The following EPM2A variants were observed in gnomAD, a reference collection of about 807,000 sequenced individuals.
EPM2A encodes EPM2A glucan phosphatase, laforin.
Under a neutral mutation model 26.5 loss-of-function variants are expected in EPM2A, and 21 were observed. The observed-to-expected ratio is 0.79, with a 90% CI of 0.56 to 1.14. The LOEUF is 1.14. Among genes scored for constraint, EPM2A ranks in the 50% most tolerant of loss-of-function variants. The pLI, the probability that EPM2A is intolerant of heterozygous loss-of-function variation, is 0.00. For missense variants in EPM2A, 458 were observed against 440.8 expected (o/e 1.04, Z -0.35); for synonymous variants, 217 against 177.6 (o/e 1.22, Z -1.76).
chr6:145,509,796 A>T (rs932653768), intron 2 of EPM2A, among the ~76,000 whole-genome samples: 3 of 152,198 alleles, frequency 2.0e-5, no homozygotes, highest in African/African-American at 7.2e-5. Flanking sequence ...GGCAAATTGG[A>T]TTTAAGAAAA....
intron 4 of EPM2A, among the ~76,000 whole-genome samples, chr6:145,481,764 A>G (rs1779613650): frequency 6.6e-6 from 1 of 152,186 alleles, no homozygotes; most frequent in Admixed American, 6.5e-5. Context: ...TAGAAATGAT[A>G]ACTAATACAT....
chr6:145,438,891 C>A (rs1779024543), intron 4 of EPM2A, among the ~76,000 whole-genome samples: 2 of 151,374 alleles, frequency 1.3e-5, no homozygotes, highest in South Asian at 4.2e-4. Flanking sequence ...TTTTATCAAG[C>A]AGGTACTCAG....
At chr6:145,621,404 G>T (rs2128553902), downstream of EPM2A, among the ~76,000 whole-genome samples, 1 of 152,290 alleles carries the variant, frequency 6.6e-6, no homozygotes, top group South Asian at 2.1e-4. Flanking sequence ...GAACATGGAA[G>T]TGCAGAAATT....
Position 145,625,877 on chromosome 6 carries a change from A to G in EPM2A, c.*1539T>C. 1 of 1,489,100 alleles carries G rather than the reference A, an allele frequency of 6.7e-7. No individual in the cohort carries two copies. The allele number at this position is 1,489,100 out of a possible 1,614,324, so 92.2% of individuals were successfully genotyped here. A position where few individuals can be genotyped will look rare whatever the true frequency, so the allele number is the denominator to read the frequency against. On this transcript the variant is annotated 3_prime_UTR_variant, in exon 4 of 4. Transcript: ENST00000367519. ...CTATCAATATGTGTTTGTGGAAGAA[A>G]GGAAGGTGCAGAAAAATAAATACGC...
chr6:145,633,186 G>A (rs191577594), intron 3 of EPM2A, among the ~76,000 whole-genome samples: 59 of 152,238 alleles, frequency 3.9e-4, no homozygotes, highest in Non-Finnish European at 6.9e-4. Flanking sequence ...CGGGGGATGC[G>A]TGGCACAGTT....
intron 2 of EPM2A, among the ~76,000 whole-genome samples, chr6:145,521,712 A>G (rs441982): frequency 0.27 from 40,633 of 152,106 alleles, 5,933 homozygotes; most frequent in South Asian, 0.38. Flanking sequence ...GTAGGGGTAG[A>G]GGAATTGTCA....
intron 2 of EPM2A, among the ~76,000 whole-genome samples, chr6:145,546,279 C>A (rs1277060066): frequency 6.6e-6 from 1 of 152,028 alleles, no homozygotes; most frequent in Non-Finnish European, 1.5e-5. Flanking sequence ...GAATCTGGAT[C>A]TCTGATATTT....
chr6:145,384,338 A>AAAAATAAAAAAAGGTCATTT (rs1397091010), intron 4 of EPM2A, among the ~76,000 whole-genome samples: 2 of 149,846 alleles, frequency 1.3e-5, no homozygotes, highest in African/African-American at 2.5e-5. Context: ...GGCTGTTGTA[A>AAAAATAAAAAAAGGTCATTT]GTTGGATTTC....
rs77196894 is a variant in EPM2A, at chr6:145,565,709, C to T, written c.341-63134G>A. On this transcript the variant is annotated intron_variant, in intron 2 of 3. Transcript: ENST00000450221. ...AAAGAGCTTGGCCCTCTAAGATCCA[C>T]ATAATCCTGGAAGAAAGGTGGGTAT... Among the ~76,000 whole-genome samples, 1,157 of 152,236 alleles carry T rather than the reference C, an allele frequency of 7.6e-3. 18 individuals are homozygous for T. The highest frequency in any genetic ancestry group is 0.026 in the African/African-American group (1,097 of 41,534).
intron 4 of EPM2A, among the ~76,000 whole-genome samples, chr6:145,450,625 C>A (rs1044739345): frequency 1.3e-5 from 2 of 152,156 alleles, no homozygotes; most frequent in African/African-American, 4.8e-5. Context: ...GGGAAATTCT[C>A]TGCAAATCTC....
At chr6:145,703,918 T>G (rs1342699138) in intron 1 of EPM2A, among the ~76,000 whole-genome samples, 1 of 152,226 alleles carries the variant, frequency 6.6e-6, no homozygotes, top group East Asian at 1.9e-4. Context: ...GATGATCTTC[T>G]GATGATAGGA....
intron 4 of EPM2A, among the ~76,000 whole-genome samples, chr6:145,467,291 T>C (rs1323950448): frequency 2.6e-5 from 4 of 152,168 alleles, no homozygotes; most frequent in South Asian, 2.1e-4. Context: ...CTTAATTTTA[T>C]TTCCAAACTG....
intron 4 of EPM2A, among the ~76,000 whole-genome samples, chr6:145,468,563 CTG>C (rs1413098329): frequency 6.6e-6 from 1 of 152,014 alleles, no homozygotes; most frequent in Non-Finnish European, 1.5e-5. Flanking sequence ...TTCAGAATGT[CTG>C]TGTTTTGATC....
chr6:145,696,783 G>A (rs1254818213), intron 1 of EPM2A, among the ~76,000 whole-genome samples: 1 of 97,686 alleles, frequency 1.0e-5, no homozygotes, highest in Non-Finnish European at 2.0e-5. Flanking sequence ...GTATGTGTGT[G>A]TGTGTGTGTG....
At chr6:145,493,678 T>C (rs747713951) in intron 4 of EPM2A, among the ~76,000 whole-genome samples, 5 of 152,206 alleles carry the variant, frequency 3.3e-5, no homozygotes, top group Admixed American at 2.6e-4. Flanking sequence ...ACCTAGTTTA[T>C]TGAGAGCTTT....
At chr6:145,705,340 CAGATATAT>C (rs931451243) in intron 1 of EPM2A, among the ~76,000 whole-genome samples, 23 of 152,010 alleles carry the variant, frequency 1.5e-4, no homozygotes, top group African/African-American at 5.3e-4. Context: ...GATACAGATA[CAGATATAT>C]AGATATATAT....
At chr6:145,562,988 ACACAGG>A (rs1780829324) in intron 2 of EPM2A, among the ~76,000 whole-genome samples, 1 of 151,608 alleles carries the variant, frequency 6.6e-6, no homozygotes, top group Non-Finnish European at 1.5e-5. Flanking sequence ...GGATGAAGCC[ACACAGG>A]CATTGAGAGG....
chr6:145,449,083 T>C (rs1279713008), intron 4 of EPM2A, among the ~76,000 whole-genome samples: 1 of 152,256 alleles, frequency 6.6e-6, no homozygotes, highest in Non-Finnish European at 1.5e-5. Context: ...TAAGGAGTGA[T>C]GCAGAATGTC....
At chr6:145,713,113 A>T (rs760686009) in intron 1 of EPM2A, among the ~76,000 whole-genome samples, 61 of 152,204 alleles carry the variant, frequency 4.0e-4, no homozygotes, top group Non-Finnish European at 8.2e-4. Context: ...TCCCACTTGT[A>T]ACAGATGTGT....
Sources: gnomAD v4.1 joint callset for allele counts (sites outside exome capture counted in the v4.1 genomes callset) on GRCh38, gnomAD v4.1.1 for gene constraint, MANE v1.5 for transcripts, NCBI Gene and HGNC (gene_info 2026-07-23, HGNC 2026-07-21) for gene names.